The following ITGAV variants were observed in gnomAD, a reference collection of about 807,000 sequenced individuals.
The protein encoded by ITGAV is integrin alpha-V.
In ITGAV, 76 loss-of-function variants were observed where a neutral mutation model predicts 143.8. The observed-to-expected ratio is 0.53, with a 90% confidence interval of 0.44 to 0.64. The LOEUF (loss-of-function observed/expected upper bound fraction) is 0.64. ITGAV is among the 30% of genes least tolerant of loss of function. ITGAV has a pLI of 0.00. For missense variants in ITGAV, 1,193 were observed against 1,274.7 expected (o/e 0.94, Z 0.98); for synonymous variants, 453 against 446.7 (o/e 1.01, Z -0.18).
At chr2:186,634,282 C>A (rs1687895773) in intron 6 of ITGAV, among the ~76,000 whole-genome samples, 2 of 151,814 alleles carry the variant, frequency 1.3e-5, no homozygotes, top group South Asian at 4.1e-4. Flanking sequence ...AATATATTGA[C>A]ATGTTTAGTT....
chr2:186,663,632 C>A, intron 18 of ITGAV, 136 bp from the exon 19 acceptor site: 1 of 596,252 alleles, frequency 1.7e-6, no homozygotes, highest in Non-Finnish European at 2.9e-6. Flanking sequence ...TTCAGGTATA[C>A]AACAAACAAG....
At chr2:186,634,077 T>A (rs1287788247) in intron 6 of ITGAV, among the ~76,000 whole-genome samples, 1 of 152,160 alleles carries the variant, frequency 6.6e-6, no homozygotes, top group Non-Finnish European at 1.5e-5. Context: ...AATAGGTTTT[T>A]AAAAAATATT....
At chr2:186,672,052 C>T (rs900856164) in intron 26 of ITGAV, among the ~76,000 whole-genome samples, 36 of 151,050 alleles carry the variant, frequency 2.4e-4, no homozygotes, top group African/African-American at 7.8e-4. Context: ...CCCGGGTTCA[C>T]GCCATTCTCC....
At chr2:186,676,011 C>A in intron 28 of ITGAV, 84 bp downstream of exon 28, 2 of 723,354 alleles carry the variant, frequency 2.8e-6, no homozygotes, top group African/African-American at 1.8e-5. Context: ...TAAAGAACGA[C>A]AGCTTAACTT....
At chr2:186,639,014 T>A (rs1688030073) in intron 10 of ITGAV, among the ~76,000 whole-genome samples, 1 of 151,898 alleles carries the variant, frequency 6.6e-6, no homozygotes, top group African/African-American at 2.4e-5. Context: ...TTTTTAAGGA[T>A]GATCAATGCC....
chr2:186,655,744 T>G lies in ITGAV; in HGVS notation c.1565-503T>G, dbSNP rs553205569. Among the ~76,000 whole-genome samples the G allele has an allele frequency of 5.9e-5, 9 of 152,354 alleles. No homozygotes were observed. In the South Asian group the frequency reaches 1.7e-3, roughly 28 times the overall value. Reference sequence around the variant, plus strand: ...TTTGATCACTTGCTTCCTGAAGGCATATTCATCTGACAGTTTGATATGATA... The same window carrying G: ...TTTGATCACTTGCTTCCTGAAGGCAGATTCATCTGACAGTTTGATATGATA... On this transcript the variant is annotated intron_variant, in intron 16 of 29. Coordinates refer to ENST00000261023, the MANE Select transcript of ITGAV (RefSeq NM_002210.5).
intron 12 of ITGAV, chr2:186,641,796 A>G: frequency 1.8e-6 from 1 of 557,532 alleles, no homozygotes; most frequent in Non-Finnish European, 3.2e-6. Flanking sequence ...GACTCTCATG[A>G]GTTATTATTC....
chr2:186,626,691 G>A (rs917624763), intron 4 of ITGAV, among the ~76,000 whole-genome samples: 1 of 152,122 alleles, frequency 6.6e-6, no homozygotes, highest in African/African-American at 2.4e-5. Context: ...GATCCTACCT[G>A]TTATAAGTGG....
At position 186,665,172 on chromosome 2, in the gene ITGAV, G is replaced by T; in HGVS notation, c.2120G>T (p.Arg707Leu). 1.2e-6 allele frequency: 2 copies of T among 1,609,680 alleles called. No homozygotes were observed. The highest frequency in any genetic ancestry group is 2.2e-5 in the East Asian group (1 of 44,754). Residue 707 changes from arginine (R) to leucine (L), a missense_variant, in exon 21 of 30, where the codon CGC (arginine) becomes CTC (leucine). Arg to Leu is a moderately radical substitution (Grantham distance 102). Coordinates refer to ENST00000261023, the MANE Select transcript of ITGAV (RefSeq NM_002210.5). The part of the protein sequence containing the change: ...SCAFKTENQT[R>L]QVVCDLGNPM... ...GCATTTAAGACAGAAAACCAAACTC[G>T]CCAGGTGGTATGTGACCTTGGAAAC...
intron 22 of ITGAV, 69 bp downstream of exon 22, chr2:186,666,852 A>G: frequency 1.3e-6 from 1 of 763,438 alleles, no homozygotes; most frequent in Non-Finnish European, 2.0e-6. Flanking sequence ...ATACTATGTA[A>G]TATACTTTAA....
chr2:186,590,281 C>T lies in ITGAV; in HGVS notation c.-58C>T. ...CGGGCCGCGGGCACTGGGCGCCTCG[C>T]TGGGGCGGGGGGAGGTGGCTACCGC... is the stretch of plus-strand genomic sequence containing the variant. On this transcript the variant is annotated 5_prime_UTR_variant, in exon 1 of 30. Coordinates refer to ENST00000261023, the MANE Select transcript of ITGAV (RefSeq NM_002210.5). 1 of 1,366,794 alleles carries T rather than the reference C, an allele frequency of 7.3e-7. No homozygotes were observed. Among genetic ancestry groups the T allele is most frequent in the Non-Finnish European group, 9.4e-7 (1 of 1,058,778 alleles). The allele number at this position is 1,366,794 out of a possible 1,614,324, so 84.7% of individuals were successfully genotyped here. A position where few individuals can be genotyped will look rare whatever the true frequency, so the allele number is the denominator to read the frequency against.
At chr2:186,650,850 CTTCT>C (rs945279124) in intron 14 of ITGAV, among the ~76,000 whole-genome samples, 9 of 152,082 alleles carry the variant, frequency 5.9e-5, no homozygotes, top group Admixed American at 1.3e-4. Context: ...ATGCCCGCCC[CTTCT>C]TTGTCTTTTA....
intron 1 of ITGAV, among the ~76,000 whole-genome samples, chr2:186,592,756 G>T (rs915760806): frequency 2.0e-5 from 3 of 151,824 alleles, no homozygotes; most frequent in Admixed American, 1.3e-4. Flanking sequence ...ATTGAACTTG[G>T]GTTTGGTTGC....
chr2:186,638,076 C>T (rs1393807675), intron 8 of ITGAV, among the ~76,000 whole-genome samples: 1 of 152,136 alleles, frequency 6.6e-6, no homozygotes, highest in East Asian at 1.9e-4. Flanking sequence ...TGAGAGCCCT[C>T]CAGAATTTGT....
At chr2:186,652,931 A>ATTT (rs35139936) in intron 15 of ITGAV, among the ~76,000 whole-genome samples, 967 of 82,470 alleles carry the variant, frequency 0.012, 44 homozygotes, top group Admixed American at 0.032. Context: ...TTCATTATAG[A>ATTT]TTTTTTTTTT....
chr2:186,638,826 A>G (rs1688023825), intron 10 of ITGAV, among the ~76,000 whole-genome samples: 1 of 151,794 alleles, frequency 6.6e-6, no homozygotes. Context: ...TTCTAGATAT[A>G]AGATGGGCTT....
intron 17 of ITGAV, among the ~76,000 whole-genome samples, 175 bp from the exon 18 acceptor site, chr2:186,658,863 T>C (rs1346884918): frequency 2.0e-5 from 3 of 152,192 alleles, no homozygotes; most frequent in African/African-American, 7.2e-5. Flanking sequence ...TCTTACTTGA[T>C]AAGGATAATC....
intron 2 of ITGAV, among the ~76,000 whole-genome samples, chr2:186,606,611 C>A (rs2105662330): frequency 6.6e-6 from 1 of 152,250 alleles, no homozygotes; most frequent in Middle Eastern, 3.4e-3. Flanking sequence ...CTTTTCCTTT[C>A]TTCCCCAACT....
intron 23 of ITGAV, 24 bp from the exon 24 acceptor site, chr2:186,667,647 A>T (rs1203240581): frequency 2.3e-6 from 3 of 1,297,516 alleles, no homozygotes; most frequent in Non-Finnish European, 3.3e-6. Context: ...TATTCATGGT[A>T]GGTTTTCTTT....
Sources: allele counts gnomAD v4.1 joint callset (sites outside exome capture counted in the v4.1 genomes callset), GRCh38; gene constraint gnomAD v4.1.1; transcripts MANE v1.5; gene names NCBI Gene and HGNC (gene_info 2026-07-23, HGNC 2026-07-21).